Variants in AFG2A observed in about 807,000 individuals in gnomAD.
AFG2A encodes AAA ATPase AFG2A, also known as ATPase family gene 2 protein homolog A.
At chr4:123,063,700 C>T in the AFG2A span, among the ~76,000 whole-genome samples, 17 of 151,458 alleles carry the variant, frequency 1.1e-4, no homozygotes, top group African/African-American at 3.2e-4. Flanking sequence ...GAGCTGAGAT[C>T]GCGCCACTGC....
At chr4:123,174,147 G>A in the AFG2A span, among the ~76,000 whole-genome samples, 3 of 152,184 alleles carry the variant, frequency 2.0e-5, no homozygotes, top group South Asian at 6.2e-4. Flanking sequence ...ATACTTTCAA[G>A]CAAGCTATAT....
At chr4:123,272,636 C>T in the AFG2A span, among the ~76,000 whole-genome samples, 239 of 152,268 alleles carry the variant, frequency 1.6e-3, no homozygotes, top group African/African-American at 5.5e-3. Flanking sequence ...ATACAGGCAT[C>T]GTAGCCTACT....
At chr4:123,245,444 T>C in the AFG2A span, among the ~76,000 whole-genome samples, 1 of 152,352 alleles carries the variant, frequency 6.6e-6, no homozygotes, top group East Asian at 1.9e-4. Context: ...CTATAGTTTT[T>C]TAAAAAGCAG....
the AFG2A span, among the ~76,000 whole-genome samples, chr4:122,983,059 G>T: frequency 6.6e-6 from 1 of 151,500 alleles, no homozygotes; most frequent in Non-Finnish European, 1.5e-5. Flanking sequence ...GTAGAGACGG[G>T]GTTTCACCAT....
chr4:122,939,150 A>G, the AFG2A span, among the ~76,000 whole-genome samples: 1 of 133,228 alleles, frequency 7.5e-6, no homozygotes, highest in Admixed American at 9.3e-5. Context: ...CAATGGCACA[A>G]TCTCGGCTCA....
At chr4:122,989,381 G>C in the AFG2A span, among the ~76,000 whole-genome samples, 1 of 152,098 alleles carries the variant, frequency 6.6e-6, no homozygotes, top group African/African-American at 2.4e-5. Context: ...GTCCAAGGAG[G>C]GCAGTCTTAG....
At chr4:123,042,761 TTC>T in the AFG2A span, among the ~76,000 whole-genome samples, 2 of 152,206 alleles carry the variant, frequency 1.3e-5, no homozygotes, top group Non-Finnish European at 2.9e-5. Context: ...CATACTTACA[TTC>T]TGTCTTCAAA....
chr4:122,958,517 T>TA, the AFG2A span, among the ~76,000 whole-genome samples: 1 of 152,338 alleles, frequency 6.6e-6, no homozygotes. Flanking sequence ...AATTCAGGTT[T>TA]GTTTCACATG....
the AFG2A span, among the ~76,000 whole-genome samples, chr4:123,309,089 AGTT>A: frequency 6.6e-6 from 1 of 152,320 alleles, no homozygotes; most frequent in South Asian, 2.1e-4. Context: ...GCCCTGATTG[AGTT>A]GTTTGGTATC....
the AFG2A span, among the ~76,000 whole-genome samples, chr4:123,139,584 C>T: frequency 3.3e-5 from 5 of 152,094 alleles, 1 homozygote; most frequent in South Asian, 1.0e-3. Flanking sequence ...ACTTCAGTGG[C>T]AATTTAAACT....
chr4:123,078,768 A>G, the AFG2A span, among the ~76,000 whole-genome samples: 1 of 152,270 alleles, frequency 6.6e-6, no homozygotes, highest in East Asian at 1.9e-4. Context: ...CCCTGGATTC[A>G]TGGGTAACAC....
chr4:122,996,087 C>G, the AFG2A span, among the ~76,000 whole-genome samples: 5 of 152,198 alleles, frequency 3.3e-5, no homozygotes, highest in Admixed American at 2.6e-4. Flanking sequence ...TTGATCATCT[C>G]TAGTATGAAA....
the AFG2A span, among the ~76,000 whole-genome samples, chr4:123,232,248 G>A: frequency 3.9e-5 from 6 of 151,926 alleles, no homozygotes; most frequent in African/African-American, 9.7e-5. Context: ...CAGTGAAGAC[G>A]AAGAAAAAGA....
At chr4:122,945,137 C>G in the AFG2A span, among the ~76,000 whole-genome samples, 3 of 152,188 alleles carry the variant, frequency 2.0e-5, no homozygotes, top group African/African-American at 7.2e-5. Flanking sequence ...TCTCCAGCTG[C>G]GTGCTGGGAG....
the AFG2A span, among the ~76,000 whole-genome samples, chr4:123,124,579 T>C: frequency 6.6e-6 from 1 of 152,122 alleles, no homozygotes; most frequent in Non-Finnish European, 1.5e-5. Flanking sequence ...ATGGCACATG[T>C]ATACATGTGT....
At chr4:123,127,320 A>T in the AFG2A span, among the ~76,000 whole-genome samples, 1 of 152,214 alleles carries the variant, frequency 6.6e-6, no homozygotes, top group African/African-American at 2.4e-5. Context: ...AAATCATAAT[A>T]TCACAGTTTT....
At chr4:123,089,202 C>G in the AFG2A span, among the ~76,000 whole-genome samples, 1 of 152,112 alleles carries the variant, frequency 6.6e-6, no homozygotes, top group Non-Finnish European at 1.5e-5. Context: ...ACTTATAAGT[C>G]TAAATACTTA....
At chr4:123,104,144 A>G in the AFG2A span, among the ~76,000 whole-genome samples, 1 of 152,130 alleles carries the variant, frequency 6.6e-6, no homozygotes, top group African/African-American at 2.4e-5. Context: ...CTGCAAGTCC[A>G]TTGGTGCCAT....
chr4:123,157,728 T>G, the AFG2A span, among the ~76,000 whole-genome samples: 12 of 152,308 alleles, frequency 7.9e-5, no homozygotes, highest in African/African-American at 2.9e-4. Flanking sequence ...ACTCCAACTT[T>G]CAATATCACA....
Sources: gnomAD v4.1 joint callset for allele counts (sites outside exome capture counted in the v4.1 genomes callset) on GRCh38, gnomAD v4.1.1 for gene constraint, MANE v1.5 for transcripts, NCBI Gene and HGNC (gene_info 2026-07-23, HGNC 2026-07-21) for gene names.